Variants in MACROD2 observed in about 807,000 individuals in gnomAD.
MACROD2 encodes ADP-ribose glycohydrolase MACROD2.
MACROD2 carries 36 observed loss-of-function variants against 70.4 expected under a neutral mutation model. The ratio of observed to expected loss-of-function variants is 0.51; its 90% CI spans 0.39 to 0.68. The LOEUF (loss-of-function observed/expected upper bound fraction) is 0.68. Among genes scored for constraint, MACROD2 ranks in the 30% least tolerant of loss-of-function variants. MACROD2 has a pLI of 0.00. For synonymous variants in MACROD2, 172 were observed against 178.8 expected (o/e 0.96, Z 0.30); for missense variants, 496 against 538.4 (o/e 0.92, Z 0.78).
At chr20:14,511,175 C>T (rs2085025447) in intron 4 of MACROD2, among the ~76,000 whole-genome samples, 1 of 152,000 alleles carries the variant, frequency 6.6e-6, no homozygotes, top group African/African-American at 2.4e-5. Flanking sequence ...GTGATGAAGA[C>T]AAGTGTTGAC....
intron 3 of MACROD2, among the ~76,000 whole-genome samples, chr20:14,306,725 T>C (rs1280975654): frequency 6.6e-6 from 1 of 151,998 alleles, no homozygotes; most frequent in Non-Finnish European, 1.5e-5. Context: ...ATCTTAAAAA[T>C]AGAGAGGCTG....
intron 5 of MACROD2, among the ~76,000 whole-genome samples, chr20:14,858,181 A>T (rs2073276310): frequency 6.6e-6 from 1 of 152,128 alleles, no homozygotes; most frequent in African/African-American, 2.4e-5. Flanking sequence ...GAGTCACATG[A>T]TACATTTTTA....
chr20:16,020,583 G>A (rs947625817), intron 15 of MACROD2, among the ~76,000 whole-genome samples: 5 of 149,748 alleles, frequency 3.3e-5, no homozygotes, highest in Admixed American at 1.3e-4. Flanking sequence ...GCTACGTAAC[G>A]AAAGCAAAGT....
intron 4 of MACROD2, among the ~76,000 whole-genome samples, chr20:14,509,815 G>A (rs2085009315): frequency 6.6e-6 from 1 of 151,458 alleles, no homozygotes; most frequent in Non-Finnish European, 1.5e-5. Context: ...TTAATATATT[G>A]GTATTAAGAT....
At position 15,830,841 on chromosome 20, in the gene MACROD2, A is replaced by G. The variant is rs565830159; in HGVS notation, c.646-31904A>G. ...AAAAAACACCATACAAATTTAAATG[A>G]CTATCATTTATGTGTTATAGATATG... On this transcript the variant is annotated intron_variant, in intron 8 of 17. Coordinates refer to ENST00000684519, the MANE Select transcript of MACROD2 (RefSeq NM_001351661.2). 5.3e-5 allele frequency among the ~76,000 whole-genome samples: 8 copies of G among 152,350 alleles called. No individual in the cohort carries two copies. The East Asian group carries it at 1.5e-3, about 29-fold the overall frequency.
intron 6 of MACROD2, among the ~76,000 whole-genome samples, chr20:15,397,603 C>T (rs907851055): frequency 6.6e-6 from 1 of 152,162 alleles, no homozygotes; most frequent in Non-Finnish European, 1.5e-5. Flanking sequence ...GGCCTAGCCT[C>T]TTGCATTTTC....
chr20:14,677,016 T>C (rs961511295), intron 4 of MACROD2, among the ~76,000 whole-genome samples: 2 of 152,198 alleles, frequency 1.3e-5, no homozygotes, highest in Admixed American at 1.3e-4. Flanking sequence ...TCTTTTATTT[T>C]TATTTTCTGA....
intron 3 of MACROD2, among the ~76,000 whole-genome samples, chr20:14,171,299 T>C (rs905779998): frequency 2.6e-5 from 4 of 152,174 alleles, no homozygotes; most frequent in Non-Finnish European, 5.9e-5. Context: ...CAGCTTTTTG[T>C]TTTATTTATC....
intron 3 of MACROD2, among the ~76,000 whole-genome samples, chr20:14,422,351 T>A (rs926401454): frequency 4.6e-5 from 7 of 152,252 alleles, no homozygotes; most frequent in Non-Finnish European, 8.8e-5. Flanking sequence ...GGATCATGTT[T>A]CATTTTAATA....
chr20:15,432,865 T>C (rs1293201940), intron 7 of MACROD2, among the ~76,000 whole-genome samples: 2 of 151,970 alleles, frequency 1.3e-5, no homozygotes, highest in Admixed American at 6.6e-5. Flanking sequence ...TGATGTAATA[T>C]ATATGGTATA....
At chr20:15,525,082 A>G (rs1600533817) in intron 8 of MACROD2, among the ~76,000 whole-genome samples, 1 of 152,210 alleles carries the variant, frequency 6.6e-6, no homozygotes, top group African/African-American at 2.4e-5. Flanking sequence ...TCTTTCCATT[A>G]GTCCAAAAAT....
intron 6 of MACROD2, among the ~76,000 whole-genome samples, chr20:15,391,379 G>A (rs1450645326): frequency 2.0e-5 from 3 of 152,212 alleles, no homozygotes; most frequent in Non-Finnish European, 2.9e-5. Context: ...TGATGATTTT[G>A]TTATGTCACA....
intron 5 of MACROD2, among the ~76,000 whole-genome samples, chr20:14,839,108 A>G (rs2122265321): frequency 6.6e-6 from 1 of 152,168 alleles, no homozygotes; most frequent in East Asian, 1.9e-4. Flanking sequence ...CGTTTGGGCT[A>G]TGTTTTCCTC....
intron 8 of MACROD2, among the ~76,000 whole-genome samples, chr20:15,676,597 G>A (rs556078814): frequency 1.3e-5 from 2 of 152,192 alleles, no homozygotes; most frequent in African/African-American, 4.8e-5. Flanking sequence ...TACATTTATG[G>A]GGCAGTTGAA....
intron 5 of MACROD2, among the ~76,000 whole-genome samples, chr20:15,079,142 C>A (rs1324752337): frequency 6.6e-6 from 1 of 152,150 alleles, no homozygotes; most frequent in Non-Finnish European, 1.5e-5. Flanking sequence ...AAAAAAGAAT[C>A]AACTTCTTTG....
chr20:14,804,205 A>T (rs1010433298), intron 5 of MACROD2, among the ~76,000 whole-genome samples: 3 of 151,290 alleles, frequency 2.0e-5, no homozygotes, highest in Non-Finnish European at 4.4e-5. Context: ...TTTATTTTTA[A>T]TTTTTTTTTC....
intron 8 of MACROD2, among the ~76,000 whole-genome samples, chr20:15,810,047 A>T (rs1166688287): frequency 7.9e-6 from 1 of 126,638 alleles, no homozygotes; most frequent in East Asian, 2.5e-4. Context: ...CGGGAGTGTG[A>T]TGTTCCCCTT....
At chr20:14,096,483 C>T (rs1275933064) in intron 3 of MACROD2, among the ~76,000 whole-genome samples, 5 of 151,016 alleles carry the variant, frequency 3.3e-5, no homozygotes, top group Admixed American at 6.6e-5. Flanking sequence ...TCTCATGCCT[C>T]AGCTTACTGA....
intron 3 of MACROD2, among the ~76,000 whole-genome samples, chr20:14,403,929 A>G (rs991327062): frequency 1.3e-5 from 2 of 152,162 alleles, no homozygotes; most frequent in African/African-American, 2.4e-5. Flanking sequence ...GATATAGAAT[A>G]AAAATTTATA....
Sources: gnomAD v4.1 joint callset for allele counts (sites outside exome capture counted in the v4.1 genomes callset) on GRCh38, gnomAD v4.1.1 for gene constraint, MANE v1.5 for transcripts, NCBI Gene and HGNC (gene_info 2026-07-23, HGNC 2026-07-21) for gene names.